The following ATP6V1A variants were observed in gnomAD, a reference collection of about 807,000 sequenced individuals.
ATP6V1A encodes ATPase H+ transporting V1 subunit A.
In ATP6V1A, 18 loss-of-function variants were observed where a neutral mutation model predicts 70.1. The ratio of observed to expected loss-of-function variants is 0.26; its 90% CI spans 0.18 to 0.38. The LOEUF (loss-of-function observed/expected upper bound fraction) is 0.38, where lower values mean the gene tolerates loss of function less well. Among genes scored for constraint, ATP6V1A ranks in the 10% least tolerant of loss-of-function variants. The probability of loss-of-function intolerance (pLI) is 1.00; values close to 1 mark genes in which losing one functional copy is unlikely to be tolerated. For missense variants in ATP6V1A, 424 were observed against 772.4 expected (o/e 0.55, Z 5.35); for synonymous variants, 232 against 253.8 (o/e 0.91, Z 0.82).
chr3:113,791,965 G>T (rs1709096692), intron 8 of ATP6V1A, among the ~76,000 whole-genome samples: 1 of 149,806 alleles, frequency 6.7e-6, no homozygotes, highest in African/African-American at 2.5e-5. Context: ...TGAATTCTTG[G>T]CATTTTTCCA....
In ATP6V1A at chr3:113,811,881, T is replaced by C. The variant is rs917773330; in HGVS notation, c.*2454T>C. ...GCCAATTAAACAAGTTTCATATGTATTTTTCCAGTGTTGAATCTCACACAC... is the reference window on the plus strand; with the variant it reads ...GCCAATTAAACAAGTTTCATATGTACTTTTCCAGTGTTGAATCTCACACAC... On this transcript the variant is annotated 3_prime_UTR_variant, in exon 15 of 15. Coordinates refer to ENST00000273398, the MANE Select transcript of ATP6V1A (RefSeq NM_001690.4). 1.3e-5 allele frequency: 2 copies of C among 152,584 alleles called. No homozygotes were observed. The highest frequency in any genetic ancestry group is 2.9e-5 in the Non-Finnish European group (2 of 68,006). 9.5% of individuals were successfully genotyped at this position (152,584 alleles called of 1,614,324 possible). A position where few individuals can be genotyped will look rare whatever the true frequency, so the allele number is the denominator to read the frequency against.
chr3:113,807,455 A>G (rs1283022775), intron 14 of ATP6V1A, among the ~76,000 whole-genome samples: 1 of 152,138 alleles, frequency 6.6e-6, no homozygotes, highest in Non-Finnish European at 1.5e-5. Context: ...CGCTGGGATT[A>G]CAGACATGAG....
chr3:113,748,844 T>A (rs1708552671), intron 1 of ATP6V1A, among the ~76,000 whole-genome samples: 1 of 152,214 alleles, frequency 6.6e-6, no homozygotes. Context: ...ATTTATGTCA[T>A]CATGCCTGCT....
At chr3:113,757,358 T>C (rs1178783967) in intron 1 of ATP6V1A, among the ~76,000 whole-genome samples, 2 of 152,124 alleles carry the variant, frequency 1.3e-5, no homozygotes. Context: ...TAATTCTACC[T>C]CAGAGTAGTA....
intron 4 of ATP6V1A, 74 bp downstream of exon 4, chr3:113,784,512 A>G (rs1200940038): frequency 7.0e-7 from 1 of 1,438,586 alleles, no homozygotes; most frequent in Non-Finnish European, 9.5e-7. Context: ...ACTACATTGT[A>G]CTCTTAGTCC....
chr3:113,789,754 A>C lies in ATP6V1A; in HGVS notation c.902A>C (p.Lys301Thr). The C allele has an allele frequency of 6.2e-7, 1 of 1,611,702 alleles. No individual in the cohort carries two copies. The highest frequency in any genetic ancestry group is 8.5e-7 in the Non-Finnish European group (1 of 1,177,902). Residue 301 changes from lysine (K) to threonine (T), a missense_variant, in exon 8 of 15, where the codon AAG (lysine) becomes ACG (threonine). By Grantham distance (78) the Lys-to-Thr change is moderately conservative. Transcript: ENST00000273398. The stretch of plus-strand genomic sequence containing the variant: ...TAGCTCACAATGGAGGTTGATGGTA[A>C]GGTAGAGTCAATTATGAAGAGGACA... ...FPELTMEVDG[K>T]VESIMKRTAL...
At chr3:113,757,893 C>A (rs1447958150) in intron 1 of ATP6V1A, among the ~76,000 whole-genome samples, 1 of 152,204 alleles carries the variant, frequency 6.6e-6, no homozygotes, top group East Asian at 1.9e-4. Context: ...CGCCTGTAAT[C>A]CCAGCACTTT....
intron 1 of ATP6V1A, among the ~76,000 whole-genome samples, chr3:113,758,900 T>G (rs1577080411): frequency 6.6e-6 from 1 of 152,248 alleles, no homozygotes; most frequent in East Asian, 1.9e-4. Flanking sequence ...ATTGTGGTTT[T>G]AACTTGCATT....
chr3:113,809,375 A>G lies in ATP6V1A; in HGVS notation c.1802A>G (p.Tyr601Cys), dbSNP rs1273155095. Reference sequence around the variant, plus strand: ...GGTGAGGCAAAGATCAAAAGCGACTATGCACAACTTCTTGAAGACATGCAG... The same window carrying G: ...GGTGAGGCAAAGATCAAAAGCGACTGTGCACAACTTCTTGAAGACATGCAG... Reference protein sequence around the residue: ...KDGEAKIKSDYAQLLEDMQNA... With the variant: ...KDGEAKIKSDCAQLLEDMQNA... Residue 601 changes from tyrosine to cysteine, a missense_variant, in exon 15 of 15, where the codon TAT (tyrosine) becomes TGT (cysteine). Transcript: ENST00000273398. The G allele has an allele frequency of 1.2e-6, 2 of 1,613,902 alleles. No individual in the cohort carries two copies. Among genetic ancestry groups the G allele is most frequent in the African/African-American group, 2.7e-5 (2 of 74,940 alleles).
intron 12 of ATP6V1A, among the ~76,000 whole-genome samples, chr3:113,798,864 G>A (rs1214740100): frequency 2.0e-5 from 3 of 152,130 alleles, no homozygotes; most frequent in Non-Finnish European, 4.4e-5. Flanking sequence ...ATTAAATTTA[G>A]GCAAATTAAA....
chr3:113,764,980 C>T (rs1708751925), intron 1 of ATP6V1A, among the ~76,000 whole-genome samples: 1 of 148,522 alleles, frequency 6.7e-6, no homozygotes, highest in Non-Finnish European at 1.5e-5. Context: ...AAAGCCAGAC[C>T]CAGACCCTGT....
intron 1 of ATP6V1A, among the ~76,000 whole-genome samples, chr3:113,777,150 C>T (rs1708923397): frequency 6.6e-6 from 1 of 152,170 alleles, no homozygotes; most frequent in African/African-American, 2.4e-5. Flanking sequence ...AATAAACTTT[C>T]TCCTTTGGCA....
chr3:113,762,747 ATTATT>A (rs1708720030), intron 1 of ATP6V1A, among the ~76,000 whole-genome samples: 2 of 152,178 alleles, frequency 1.3e-5, no homozygotes, highest in South Asian at 4.2e-4. Flanking sequence ...AAGAAATTTC[ATTATT>A]ATTATTAAGT....
chr3:113,766,929 A>G (rs1044693045), intron 1 of ATP6V1A, among the ~76,000 whole-genome samples: 6 of 152,104 alleles, frequency 3.9e-5, no homozygotes, highest in African/African-American at 7.2e-5. Flanking sequence ...ACCAGACCAA[A>G]TCTGGGCATC....
intron 1 of ATP6V1A, among the ~76,000 whole-genome samples, chr3:113,764,784 A>C (rs977286514): frequency 6.6e-6 from 1 of 152,116 alleles, no homozygotes; most frequent in Non-Finnish European, 1.5e-5. Flanking sequence ...GAAATAAAAA[A>C]AATAAGGCCC....
rs1709317535 is a variant in ATP6V1A at position 113,809,547 on chromosome 3, C to CT, written c.*121dup. On this transcript the variant is annotated 3_prime_UTR_variant, in exon 15 of 15. Coordinates refer to ENST00000273398, the MANE Select transcript of ATP6V1A (RefSeq NM_001690.4). The stretch of plus-strand genomic sequence containing the variant: ...TATTGTGCAGCTTTGAGACTAGTGC[C>CT]TATGTGTGTTATTTGTTTCCCTGTT... 1 of 795,866 alleles carries CT rather than the reference C, an allele frequency of 1.3e-6. No individual in the cohort carries two copies. Among genetic ancestry groups the CT allele is most frequent in the Non-Finnish European group, 2.0e-6 (1 of 503,460 alleles). The allele number at this position is 795,866 out of a possible 1,614,324, so 49.3% of individuals were successfully genotyped here. A position where few individuals can be genotyped will look rare whatever the true frequency, so the allele number is the denominator to read the frequency against.
rs1709336252 is a variant in ATP6V1A at position 113,811,030 on chromosome 3, A to C, written c.*1603A>C. The C allele has an allele frequency of 6.6e-6, 1 of 152,190 alleles. No homozygotes were observed. The highest frequency in any genetic ancestry group is 2.4e-5 in the African/African-American group (1 of 41,456). 9.4% of individuals were successfully genotyped at this position (152,190 alleles called of 1,614,324 possible). A position where few individuals can be genotyped will look rare whatever the true frequency, so the allele number is the denominator to read the frequency against. On this transcript the variant is annotated 3_prime_UTR_variant, in exon 15 of 15. Coordinates refer to ENST00000273398, the MANE Select transcript of ATP6V1A (RefSeq NM_001690.4). ...CTTTTAAGTATATGTTTAAAATAAT[A>C]ATTTATGTGTCTGCATATTGCAGAA...
intron 6 of ATP6V1A, among the ~76,000 whole-genome samples, chr3:113,787,126 C>G (rs978019606): frequency 6.6e-6 from 1 of 152,096 alleles, no homozygotes; most frequent in African/African-American, 2.4e-5. Context: ...GACAGAAGCC[C>G]CACCCAAATA....
In ATP6V1A at chr3:113,784,308, T is replaced by G. The variant is rs199687122; in HGVS notation, c.296T>G (p.Phe99Cys). The part of the protein sequence containing the change: ...ELGPGIMGAI[F>C]DGIQRPLSDI... ...GGTCCTGGCATTATGGGAGCCATTT[T>G]TGATGGTATTCAAAGACCTTTGTCG... is the stretch of plus-strand genomic sequence containing the variant. Residue 99 changes from phenylalanine to cysteine, a missense_variant, in exon 4 of 15, where the codon TTT (phenylalanine) becomes TGT (cysteine). Phe to Cys is a radical substitution (Grantham distance 205). Coordinates refer to ENST00000273398, the MANE Select transcript of ATP6V1A (RefSeq NM_001690.4). 6.2e-7 allele frequency: 1 copy of G among 1,614,182 alleles called. No individual in the cohort carries two copies. Among genetic ancestry groups the G allele is most frequent in the East Asian group, 2.2e-5 (1 of 44,874 alleles).
Sources: gnomAD v4.1 joint callset for allele counts (sites outside exome capture counted in the v4.1 genomes callset) on GRCh38, gnomAD v4.1.1 for gene constraint, MANE v1.5 for transcripts, NCBI Gene and HGNC (gene_info 2026-07-23, HGNC 2026-07-21) for gene names.